SEMA6C: variants seen among roughly 807,000 people sequenced by gnomAD.
SEMA6C encodes the protein semaphorin 6C, also known as semaphorin-6C.
Under a neutral mutation model 72.9 loss-of-function variants are expected in SEMA6C, and 37 were observed. That is an observed-to-expected ratio of 0.51 (90% CI 0.39 to 0.67). The LOEUF (loss-of-function observed/expected upper bound fraction) is 0.67. SEMA6C is among the 30% of genes least tolerant of loss of function. SEMA6C has a pLI of 0.00. For synonymous variants in SEMA6C, 578 were observed against 554.1 expected (o/e 1.04, Z -0.61); for missense variants, 1,189 against 1,263.6 (o/e 0.94, Z 0.89).
chr1:151,135,547 T>A (rs745490176), intron 14 of SEMA6C, 44 bp downstream of exon 14: 34 of 1,576,170 alleles, frequency 2.2e-5, no homozygotes, highest in Non-Finnish European at 2.9e-5. Context: ...CTACCTCCCA[T>A]CCCCTCCCTG....
rs1681609390 is a variant in SEMA6C at position 151,132,412 on chromosome 1, C to G, written c.*72G>C. The G allele has an allele frequency of 6.6e-7, 1 of 1,523,772 alleles. No individual in the cohort carries two copies. The highest frequency in any genetic ancestry group is 8.8e-7 in the Non-Finnish European group (1 of 1,132,812). The allele number at this position is 1,523,772 out of a possible 1,614,324, so 94.4% of individuals were successfully genotyped here. A position where few individuals can be genotyped will look rare whatever the true frequency, so the allele number is the denominator to read the frequency against. Reference sequence around the variant, plus strand: ...GCGGGGCGAGGGGGCGGTGAAACGTCCTGAAGAGCGTCCAGCTCGTGGCCG... The same window carrying G: ...GCGGGGCGAGGGGGCGGTGAAACGTGCTGAAGAGCGTCCAGCTCGTGGCCG... On this transcript the variant is annotated 3_prime_UTR_variant, in exon 19 of 19. Transcript: ENST00000368914.
chr1:151,137,445 C>CAAA (rs5777762), intron 10 of SEMA6C, among the ~76,000 whole-genome samples: 5,756 of 105,220 alleles, frequency 0.055, 396 homozygotes, highest in African/African-American at 0.15. Context: ...GACTCCGTCT[C>CAAA]AAAAAAAAAA....
At chr1:151,136,355 G>C in intron 12 of SEMA6C, 93 bp downstream of exon 12, 1 of 1,540,402 alleles carries the variant, frequency 6.5e-7, no homozygotes. Context: ...CCCACCCTGA[G>C]GCCTTGGACA....
rs146733591 is a variant in SEMA6C at position 151,139,671 on chromosome 1, G to C, written c.264C>G (p.Ala88=). 1.2e-6 allele frequency: 2 copies of C among 1,606,072 alleles called. No homozygotes were observed. The highest frequency in any genetic ancestry group is 1.7e-6 in the Non-Finnish European group (2 of 1,174,296). Residue 88 remains alanine (A), a synonymous_variant, in exon 5 of 19, where the codon GCC becomes GCG. Coordinates refer to ENST00000368914, the MANE Select transcript of SEMA6C (RefSeq NM_030913.6). ...RDHVFSFDLQ[A]EEEGEGLVPN... ...GCACCAGCCCCTCCCCTTCTTCTTC[G>C]GCTTGAAGATCGAAGGAGAAAACGT...
chr1:151,140,156 G>T, intron 3 of SEMA6C, 66 bp from the exon 4 acceptor site: 2 of 1,341,676 alleles, frequency 1.5e-6, no homozygotes, highest in Non-Finnish European at 2.1e-6. Flanking sequence ...TCTCCAACCA[G>T]ATGAAACCCA....
At chr1:151,136,819 G>A in intron 11 of SEMA6C, 38 bp downstream of exon 11, 1 of 1,564,864 alleles carries the variant, frequency 6.4e-7, no homozygotes, top group South Asian at 1.1e-5. Flanking sequence ...GGTGAGGCAG[G>A]GGACAGATTG....
chr1:151,137,841 G>A, intron 9 of SEMA6C, 42 bp from the exon 10 acceptor site: 1 of 1,589,162 alleles, frequency 6.3e-7, no homozygotes, highest in Non-Finnish European at 8.6e-7. Context: ...AAGAGTATCT[G>A]TACCTGCTCA....
chr1:151,133,045 G>C lies in SEMA6C; in HGVS notation c.2232C>G (p.Pro744=). The change falls in exon 19 of 19, where the codon CCC becomes CCG. Residue 744 remains proline, a synonymous_variant. Coordinates refer to ENST00000368914, the MANE Select transcript of SEMA6C (RefSeq NM_030913.6). The surrounding 1 kb of genome is among the most constrained non-coding windows in gnomAD (Gnocchi z 5.9). ...GTGGCCTCACCAGCACGCGGGGCGC[G>C]GGCCCGCCCGCCGCGTGCCCGCCCC... is the stretch of plus-strand genomic sequence containing the variant. ...RSRGGHAAGG[P]APRVLVRPPP... is the part of the protein sequence containing the mutation. 3 of 1,406,720 alleles carry C rather than the reference G, an allele frequency of 2.1e-6. No individual in the cohort carries two copies. Among genetic ancestry groups the C allele is most frequent in the Non-Finnish European group, 1.8e-6 (2 of 1,089,440 alleles). The allele number at this position is 1,406,720 out of a possible 1,614,324, so 87.1% of individuals were successfully genotyped here. A position where few individuals can be genotyped will look rare whatever the true frequency, so the allele number is the denominator to read the frequency against.
intron 12 of SEMA6C, 87 bp from the exon 13 acceptor site, chr1:151,136,250 C>T (rs1682013555): frequency 1.3e-6 from 2 of 1,558,320 alleles, no homozygotes; most frequent in South Asian, 1.2e-5. Flanking sequence ...CCAAACCTGA[C>T]TGGAAAGCCT....
rs753120908 is a variant in SEMA6C, at chr1:151,133,079, C to T, written c.2198G>A (p.Gly733Asp). 143 of 1,539,112 alleles carry T rather than the reference C, an allele frequency of 9.3e-5. No individual in the cohort carries two copies. The highest frequency in any genetic ancestry group is 1.1e-4 in the Non-Finnish European group (125 of 1,155,014). ...QNRNNAKEGP[G>D]RSRGGHAAGG... The stretch of plus-strand genomic sequence containing the variant: ...CGCCGCGTGCCCGCCCCGTGAGCGG[C>T]CCGGACCCTCCTTGGCGTTGTTCCT... The change falls in exon 19 of 19, where the codon GGC (glycine) becomes GAC (aspartate). Residue 733 changes from glycine to aspartate, a missense_variant. This residue lies in a region of SEMA6C where 721 missense variants were observed against 686.2 expected (regional missense o/e 1.05). Coordinates refer to ENST00000368914, the MANE Select transcript of SEMA6C (RefSeq NM_030913.6). This position sits in a 1 kb window ranked among gnomAD's most constrained non-coding sequence, Gnocchi z 5.9.
chr1:151,139,501 AG>A lies in SEMA6C; in HGVS notation c.298-21del. ...TAGATACTGAAGGGATAAGTTGAAG[AG>A]GGAAAATCATGGGCAACTGGGTTCC... On this transcript the variant is annotated intron_variant, in intron 5 of 18. Transcript: ENST00000368914. 1 of 1,613,240 alleles carries A rather than the reference AG, an allele frequency of 6.2e-7. No homozygotes were observed. Among genetic ancestry groups the A allele is most frequent in the Non-Finnish European group, 8.5e-7 (1 of 1,179,156 alleles).
chr1:151,135,690 G>A lies in SEMA6C; in HGVS notation c.1334C>T (p.Ser445Phe). ...HSNITVMFLGSNDGTVLKVLT... is the reference protein window; with the variant it reads ...HSNITVMFLGFNDGTVLKVLT... ...CACCTTCAGCACTGTCCCATCATTG[G>A]AGCCAAGGAACATGACTGTGATGTT... Residue 445 changes from serine to phenylalanine, a missense_variant, in exon 14 of 19, where the codon TCC becomes TTC. Transcript: ENST00000368914. 2 of 1,614,190 alleles carry A rather than the reference G, an allele frequency of 1.2e-6. No individual in the cohort carries two copies. Among genetic ancestry groups the A allele is most frequent in the South Asian group, 1.1e-5 (1 of 91,082 alleles).
rs1472057026 is a variant in SEMA6C, at chr1:151,133,286, G to A, written c.1991C>T (p.Pro664Leu). The change falls in exon 19 of 19, where the codon CCC becomes CTC. Residue 664 changes from proline (P) to leucine (L), a missense_variant. Pro to Leu is a moderately conservative substitution (Grantham distance 98, BLOSUM62 -3). Coordinates refer to ENST00000368914, the MANE Select transcript of SEMA6C (RefSeq NM_030913.6). This position sits in a 1 kb window ranked among gnomAD's most constrained non-coding sequence, Gnocchi z 5.9. Reference protein sequence around the residue: ...LARLHGGGPEPPPPSKDGDAV... With the variant: ...LARLHGGGPELPPPSKDGDAV... ...GTCCCCGTCCTTGGAGGGCGGCGGG[G>A]GCTCTGGGCCCCCACCGTGGAGCCG... The A allele has an allele frequency of 1.9e-6, 3 of 1,579,402 alleles. No homozygotes were observed. The highest frequency in any genetic ancestry group is 2.6e-6 in the Non-Finnish European group (3 of 1,166,998).
rs917149083 is a variant in SEMA6C, at chr1:151,132,505, G to A, written c.2772C>T (p.Asn924=). The A allele has an allele frequency of 1.9e-6, 3 of 1,549,472 alleles. No individual in the cohort carries two copies. Among genetic ancestry groups the A allele is most frequent in the Admixed American group, 2.0e-5 (1 of 50,848 alleles). The part of the protein sequence containing the change: ...VGPSSRQAVP[N]GGRFNF Reference sequence around the variant, plus strand: ...CCCTTTAAAAGTTGAAACGGCCGCCGTTCGGGACGGCCTGGCGGGAGGAGG... The same window carrying A: ...CCCTTTAAAAGTTGAAACGGCCGCCATTCGGGACGGCCTGGCGGGAGGAGG... The change falls in exon 19 of 19, where the codon AAC becomes AAT. Residue 924 remains asparagine, a synonymous_variant. Transcript: ENST00000368914.
intron 3 of SEMA6C, among the ~76,000 whole-genome samples, chr1:151,142,150 C>T (rs1289285024): frequency 6.6e-6 from 1 of 152,024 alleles, no homozygotes; most frequent in Non-Finnish European, 1.5e-5. Context: ...CATTCTCCCG[C>T]CTCAGCCTCC....
rs895119627 is a variant in SEMA6C, at chr1:151,145,963, TCA to T, written c.-105+468_-105+469del. The T allele has an allele frequency of 1.3e-5, 2 of 152,158 alleles. No individual in the cohort carries two copies. The highest frequency in any genetic ancestry group is 2.9e-5 in the Non-Finnish European group (2 of 68,048). 9.4% of individuals were successfully genotyped at this position (152,158 alleles called of 1,614,324 possible). ...CACGAGCCAACCCTTCAGAGGGTGC[TCA>T]GATTCCGGCTTGCACAAGGACAGAG... On this transcript the variant is annotated intron_variant, in intron 1 of 18. Transcript: ENST00000368914. This position sits in a 1 kb window ranked among gnomAD's most constrained non-coding sequence, Gnocchi z 4.4.
intron 3 of SEMA6C, among the ~76,000 whole-genome samples, chr1:151,140,858 C>T (rs1326110201): frequency 3.9e-5 from 6 of 152,016 alleles, no homozygotes; most frequent in South Asian, 4.1e-4. Context: ...ATTAGCCAGG[C>T]GTGGTGGCGG....
rs752836456 is a variant in SEMA6C, at chr1:151,134,816, T to C, written c.1640A>G (p.Asp547Gly). 9.9e-6 allele frequency: 16 copies of C among 1,614,144 alleles called. No individual in the cohort carries two copies. The highest frequency in any genetic ancestry group is 1.3e-5 in the Non-Finnish European group (15 of 1,180,000). ...CACTTACCCACCAGATCCCCTGATA[T>C]CCACACAGCCCCTGGAGCTATGCCA... ...CGWHSSRGCVDIRGSGGTDVD... is the reference protein window; with the variant it reads ...CGWHSSRGCVGIRGSGGTDVD... The change falls in exon 16 of 19, where the codon GAT (aspartate) becomes GGT (glycine). Residue 547 changes from aspartate to glycine, a missense_variant. This residue lies in a region of SEMA6C where 721 missense variants were observed against 686.2 expected (regional missense o/e 1.05). Coordinates refer to ENST00000368914, the MANE Select transcript of SEMA6C (RefSeq NM_030913.6).
At position 151,134,426 on chromosome 1, in the gene SEMA6C, C is replaced by T. The variant is rs778150756; in HGVS notation, c.1734G>A (p.Gln578=). The T allele has an allele frequency of 1.5e-5, 24 of 1,598,288 alleles. 1 individual carries two copies. The East Asian group carries it at 5.2e-4, about 35-fold the overall frequency. The change falls in exon 18 of 19, where the codon CAG becomes CAA. Residue 578 remains glutamine (Q), a synonymous_variant. Transcript: ENST00000368914. Reference sequence around the variant, plus strand: ...CATAAGCAGAATCCCCAGGGCCAGACTGACTCCCAGTAGCTCCATCTATGA... The same window carrying T: ...CATAAGCAGAATCCCCAGGGCCAGATTGACTCCCAGTAGCTCCATCTATGA... ...GDCQDGATGS[Q]SGPGDSAYGV... is the part of the protein sequence containing the mutation.
Sources: gnomAD v4.1 joint callset for allele counts (sites outside exome capture counted in the v4.1 genomes callset) on GRCh38, gnomAD v4.1.1 for gene constraint, gnomAD v4.1.1 regional missense constraint, Gnocchi (gnomAD v3.1) non-coding constraint, MANE v1.5 for transcripts, NCBI Gene and HGNC (gene_info 2026-07-23, HGNC 2026-07-21) for gene names.